PLEKHM3: variants seen among roughly 807,000 people sequenced by gnomAD.
PLEKHM3 encodes pleckstrin homology domain-containing family M member 3.
PLEKHM3 carries 45 observed loss-of-function variants against 81.8 expected under a neutral mutation model. The observed-to-expected ratio is 0.55, with a 90% CI of 0.43 to 0.71. The LOEUF (loss-of-function observed/expected upper bound fraction) is 0.71, where lower values mean the gene tolerates loss of function less well. Among genes scored for constraint, PLEKHM3 ranks in the 30% least tolerant of loss-of-function variants. PLEKHM3 has a pLI of 0.00. For missense variants in PLEKHM3, 788 were observed against 924.3 expected, an observed-to-expected ratio of 0.85 and a Z score of 1.91; for synonymous variants, 352 against 356.4, an observed-to-expected ratio of 0.99 and a Z score of 0.14.
At chr2:207,915,123 C>T (rs145200134) in intron 5 of PLEKHM3, among the ~76,000 whole-genome samples, 1 of 152,320 alleles carries the variant, frequency 6.6e-6, no homozygotes, top group East Asian at 1.9e-4. Flanking sequence ...CTAGTGCTAA[C>T]ATTTTCTATT....
At chr2:207,883,127 A>C (rs935514944) in intron 6 of PLEKHM3, among the ~76,000 whole-genome samples, 1 of 152,238 alleles carries the variant, frequency 6.6e-6, no homozygotes, top group Non-Finnish European at 1.5e-5. Context: ...CCATGTGCTC[A>C]GCTGAGTGTT....
At chr2:207,957,911 T>C (rs1311140916) in intron 3 of PLEKHM3, among the ~76,000 whole-genome samples, 1 of 152,158 alleles carries the variant, frequency 6.6e-6, no homozygotes, top group South Asian at 2.1e-4. Flanking sequence ...ACATTTTTGG[T>C]AGGATGGGTG....
intron 7 of PLEKHM3, among the ~76,000 whole-genome samples, chr2:207,854,145 G>A (rs1291501294): frequency 6.6e-6 from 1 of 152,116 alleles, no homozygotes; most frequent in Non-Finnish European, 1.5e-5. Context: ...AAGGATATTA[G>A]GTATATTTCT....
intron 6 of PLEKHM3, among the ~76,000 whole-genome samples, chr2:207,872,953 T>A (rs1298792507): frequency 3.6e-4 from 54 of 152,108 alleles, no homozygotes; most frequent in Non-Finnish European, 2.9e-5. Context: ...TCCCTGTATG[T>A]ACGTATGTGG....
intron 7 of PLEKHM3, among the ~76,000 whole-genome samples, chr2:207,839,944 A>G (rs2092340897): frequency 6.6e-6 from 1 of 152,130 alleles, no homozygotes. Context: ...ATAAATAAAT[A>G]AAATAAAGGC....
intron 4 of PLEKHM3, among the ~76,000 whole-genome samples, chr2:207,945,668 A>G (rs1690098985): frequency 6.6e-6 from 1 of 152,196 alleles, no homozygotes; most frequent in Non-Finnish European, 1.5e-5. Context: ...TTGGGAGGCC[A>G]GGGCAGGCAG....
chr2:207,939,878 C>G (rs1689878986), intron 4 of PLEKHM3, among the ~76,000 whole-genome samples: 1 of 152,108 alleles, frequency 6.6e-6, no homozygotes, highest in Non-Finnish European at 1.5e-5. Context: ...GCCTCAGGAG[C>G]TAAAATAAAG....
chr2:207,932,908 T>G (rs1401205582), intron 4 of PLEKHM3, among the ~76,000 whole-genome samples: 2 of 152,216 alleles, frequency 1.3e-5, no homozygotes, highest in Non-Finnish European at 2.9e-5. Context: ...TGATTATAAA[T>G]TTCTCGTACA....
At chr2:207,836,887 C>A (rs924659176) in intron 7 of PLEKHM3, among the ~76,000 whole-genome samples, 2 of 152,218 alleles carry the variant, frequency 1.3e-5, no homozygotes, top group Non-Finnish European at 2.9e-5. Context: ...GACAGGCCTG[C>A]AGAGCAGGGC....
Position 207,823,854 on chromosome 2 carries a change from A to G in PLEKHM3, c.*4465T>C, listed in dbSNP as rs1359524210. On this transcript the variant is annotated 3_prime_UTR_variant, in exon 8 of 8. Transcript: ENST00000427836. Reference sequence around the variant, plus strand: ...GACTTGGATTTTCCCTCAGCCATGCACCCATTAAAACGCACTAAGGAAAGA... The same window carrying G: ...GACTTGGATTTTCCCTCAGCCATGCGCCCATTAAAACGCACTAAGGAAAGA... 1.3e-5 allele frequency: 2 copies of G among 152,322 alleles called. No homozygotes were observed. Among genetic ancestry groups the G allele is most frequent in the East Asian group, 1.9e-4 (1 of 5,184 alleles). 9.4% of individuals were successfully genotyped at this position (152,322 alleles called of 1,614,324 possible).
chr2:207,858,180 A>ATAT (rs751293954), intron 7 of PLEKHM3, among the ~76,000 whole-genome samples: 6 of 103,850 alleles, frequency 5.8e-5, no homozygotes, highest in Middle Eastern at 4.9e-3. Context: ...GTGTGTATAT[A>ATAT]TTTTTTTTTT....
intron 4 of PLEKHM3, among the ~76,000 whole-genome samples, chr2:207,935,271 G>T (rs534683937): frequency 6.6e-6 from 1 of 152,100 alleles, no homozygotes; most frequent in South Asian, 2.1e-4. Flanking sequence ...ATCTTGTACC[G>T]AAGAAAACCT....
chr2:207,922,963 T>A lies in PLEKHM3; in HGVS notation c.1886+7963A>T, dbSNP rs143397907. Among the ~76,000 whole-genome samples, 637 of 152,196 alleles carry A rather than the reference T, an allele frequency of 4.2e-3. 6 individuals carry two copies. Among genetic ancestry groups the A allele is most frequent in the African/African-American group, 0.015 (610 of 41,526 alleles). ...TGGCTTTAAAGTAAGAGAAGCCAAG[T>A]CAAGTCGAGTCAAGAGGACTGGGAG... On this transcript the variant is annotated intron_variant, in intron 5 of 7. Transcript: ENST00000427836.
rs373728647 is a variant in PLEKHM3 at position 207,957,469 on chromosome 2, C to T, written c.1547-10957G>A. 7.9e-5 allele frequency among the ~76,000 whole-genome samples: 12 copies of T among 152,124 alleles called. No homozygotes were observed. In the East Asian group the frequency reaches 9.6e-4, roughly 12 times the overall value. The stretch of plus-strand genomic sequence containing the variant: ...ATCCCAGCACTTTGGGAGGCCGAGG[C>T]GGGTGGATCATTAGATCAGGAGTTC... On this transcript the variant is annotated intron_variant, in intron 3 of 7. Coordinates refer to ENST00000427836, the MANE Select transcript of PLEKHM3 (RefSeq NM_001080475.3).
At chr2:207,914,114 A>C (rs1688903861) in intron 5 of PLEKHM3, among the ~76,000 whole-genome samples, 1 of 152,308 alleles carries the variant, frequency 6.6e-6, no homozygotes, top group South Asian at 2.1e-4. Context: ...GCACTTTGGG[A>C]GGGTGAGGTG....
intron 7 of PLEKHM3, among the ~76,000 whole-genome samples, chr2:207,845,173 A>G (rs1399364398): frequency 2.6e-5 from 4 of 152,238 alleles, no homozygotes; most frequent in African/African-American, 9.6e-5. Context: ...AATATACATT[A>G]GATACTTAAA....
intron 1 of PLEKHM3, among the ~76,000 whole-genome samples, chr2:208,014,366 C>T (rs6708216): frequency 2.0e-5 from 3 of 152,186 alleles, no homozygotes; most frequent in East Asian, 1.9e-4. Context: ...AGGAACTGGC[C>T]GTGTGCAGTG....
rs190895972 is a variant in PLEKHM3, at chr2:207,934,155, T to C, written c.1693-3036A>G. 4.6e-5 allele frequency among the ~76,000 whole-genome samples: 7 copies of C among 152,336 alleles called. No homozygotes were observed. The East Asian group carries it at 7.7e-4, about 17-fold the overall frequency. ...AGATATTCTTAGGTGATAAAGTTTA[T>C]GTGAGAAAAAGTTTTTTTGTTAATA... On this transcript the variant is annotated intron_variant, in intron 4 of 7. Coordinates refer to ENST00000427836, the MANE Select transcript of PLEKHM3 (RefSeq NM_001080475.3).
At chr2:207,923,863 A>G (rs1689274471) in intron 5 of PLEKHM3, among the ~76,000 whole-genome samples, 1 of 30,446 alleles carries the variant, frequency 3.3e-5, no homozygotes, top group African/African-American at 1.3e-4. Flanking sequence ...ACGCACACAC[A>G]CACACACACA....
Sources: allele counts gnomAD v4.1 joint callset (sites outside exome capture counted in the v4.1 genomes callset), GRCh38; gene constraint gnomAD v4.1.1; transcripts MANE v1.5; gene names NCBI Gene and HGNC (gene_info 2026-07-23, HGNC 2026-07-21).